CTNNA2: variants seen among roughly 807,000 people sequenced by gnomAD.
CTNNA2 encodes catenin alpha 2.
CTNNA2 carries 42 observed loss-of-function variants against 101.0 expected under a neutral mutation model. The observed-to-expected ratio is 0.42, with a 90% CI of 0.32 to 0.54. CTNNA2 has a LOEUF of 0.54. Ranked by LOEUF, CTNNA2 falls within the 20% of genes least tolerant of loss-of-function variation. The pLI is 0.14. For missense variants in CTNNA2, 871 were observed against 1,223.1 expected (o/e 0.71, Z 4.29); for synonymous variants, 450 against 456.4 (o/e 0.99, Z 0.18).
At chr2:80,472,790 C>T (rs1685413055) in intron 9 of CTNNA2, among the ~76,000 whole-genome samples, 1 of 152,006 alleles carries the variant, frequency 6.6e-6, no homozygotes, top group African/African-American at 2.4e-5. Flanking sequence ...GTGGGCTAAG[C>T]AGGAAGGAGA....
rs541543601 is a variant in CTNNA2 at position 79,266,897 on chromosome 2, C to A, written c.-405-45812C>A. Reference sequence around the variant, plus strand: ...AGCAATAGGGCTTCATTGCAGGCAGCATTGAAAGAGACCCCTATCTTAGTG... The same window carrying A: ...AGCAATAGGGCTTCATTGCAGGCAGAATTGAAAGAGACCCCTATCTTAGTG... On this transcript the variant is annotated intron_variant, in intron 2 of 21. Coordinates refer to the CTNNA2 transcript ENST00000466387. Among the ~76,000 whole-genome samples the A allele has an allele frequency of 3.3e-5, 5 of 152,152 alleles. No individual in the cohort carries two copies. The East Asian group carries it at 9.7e-4, about 30-fold the overall frequency.
intron 9 of CTNNA2, 89 bp downstream of exon 9, chr2:80,419,690 A>G (rs1268035848): frequency 4.4e-6 from 6 of 1,353,274 alleles, no homozygotes; most frequent in Admixed American, 2.3e-5. Context: ...GAGATATTCT[A>G]TTGTATTTTT....
chr2:80,622,874 A>G (rs1558653302), intron 18 of CTNNA2, among the ~76,000 whole-genome samples: 1 of 151,674 alleles, frequency 6.6e-6, no homozygotes, highest in Non-Finnish European at 1.5e-5. Context: ...ACAAGGACTC[A>G]GTTTAGATCA....
At chr2:79,367,759 A>G (rs114311512) in intron 3 of CTNNA2, among the ~76,000 whole-genome samples, 43 of 152,302 alleles carry the variant, frequency 2.8e-4, no homozygotes, top group African/African-American at 9.9e-4. Context: ...ATGGGCTATG[A>G]GGCATTAGTA....
rs75082648 is a variant in CTNNA2 at position 79,654,310 on chromosome 2, T to C, written c.102+2652T>C. On this transcript the variant is annotated intron_variant, in intron 2 of 18. Transcript: ENST00000402739. Reference sequence around the variant, plus strand: ...CTGCTATAACAAGTTTTCACAAATGTATTAGCTTAATATAAAACACATTTA... The same window carrying C: ...CTGCTATAACAAGTTTTCACAAATGCATTAGCTTAATATAAAACACATTTA... Among the ~76,000 whole-genome samples the C allele has an allele frequency of 9.9e-5, 15 of 152,272 alleles. No individual in the cohort carries two copies. In the East Asian group the frequency reaches 2.9e-3, roughly 29 times the overall value.
At chr2:80,465,766 C>T (rs55803020) in intron 9 of CTNNA2, among the ~76,000 whole-genome samples, 59,520 of 152,018 alleles carry the variant, frequency 0.39, 13,407 homozygotes, top group East Asian at 0.66. Flanking sequence ...AATTTTATCA[C>T]TTAATTTTCA....
chr2:79,985,201 C>T (rs1036647288), intron 7 of CTNNA2, among the ~76,000 whole-genome samples: 5 of 152,146 alleles, frequency 3.3e-5, no homozygotes, highest in Non-Finnish European at 5.9e-5. Flanking sequence ...ACTCTGACCC[C>T]CCGTAGATAA....
At chr2:79,909,895 C>G (rs1685669430) in intron 7 of CTNNA2, 98 bp downstream of exon 7, 1 of 1,228,714 alleles carries the variant, frequency 8.1e-7, no homozygotes, top group South Asian at 1.6e-5. Flanking sequence ...GAGAACAGAC[C>G]AGGTGTTTAC....
At chr2:80,171,387 G>A (rs541904584) in intron 7 of CTNNA2, among the ~76,000 whole-genome samples, 159 of 152,334 alleles carry the variant, frequency 1.0e-3, no homozygotes, top group African/African-American at 3.8e-3. Context: ...AATGGAGCTG[G>A]CAGGCCAAGG....
intron 7 of CTNNA2, among the ~76,000 whole-genome samples, chr2:80,073,929 A>G (rs1305470625): frequency 1.3e-5 from 2 of 151,926 alleles, no homozygotes; most frequent in African/African-American, 2.4e-5. Flanking sequence ...CTAATCCTCT[A>G]TTTCTGATAT....
chr2:80,389,587 T>A (rs1677319602), intron 7 of CTNNA2, among the ~76,000 whole-genome samples: 1 of 152,170 alleles, frequency 6.6e-6, no homozygotes. Flanking sequence ...TATGGCCACA[T>A]TTAGACATAC....
chr2:79,984,946 T>C (rs1478096425), intron 7 of CTNNA2, among the ~76,000 whole-genome samples: 2 of 152,212 alleles, frequency 1.3e-5, no homozygotes, highest in African/African-American at 4.8e-5. Flanking sequence ...TAAAGTTTTA[T>C]TGGAACACAG....
chr2:79,635,124 C>T (rs980266023), intron 1 of CTNNA2, among the ~76,000 whole-genome samples: 11 of 151,978 alleles, frequency 7.2e-5, no homozygotes, highest in East Asian at 5.8e-4. Flanking sequence ...ATTAAGGCAG[C>T]GGTGGTGGAG....
intron 3 of CTNNA2, among the ~76,000 whole-genome samples, chr2:79,368,710 C>G (rs1381580456): frequency 3.9e-5 from 6 of 152,122 alleles, no homozygotes; most frequent in African/African-American, 1.2e-4. Flanking sequence ...AAACGCTACA[C>G]CCTTCCCTTT....
chr2:80,065,824 A>T (rs1325085826), intron 7 of CTNNA2, among the ~76,000 whole-genome samples: 1 of 152,224 alleles, frequency 6.6e-6, no homozygotes, highest in Non-Finnish European at 1.5e-5. Context: ...TTGCTAGCAT[A>T]CCATAGCTCT....
chr2:79,825,830 G>A (rs1349600188), intron 3 of CTNNA2, among the ~76,000 whole-genome samples: 3 of 152,256 alleles, frequency 2.0e-5, no homozygotes, highest in South Asian at 2.1e-4. Flanking sequence ...AAGCATTTAG[G>A]AGAAGATACA....
At chr2:80,347,378 C>T (rs1672834860) in intron 7 of CTNNA2, among the ~76,000 whole-genome samples, 2 of 152,230 alleles carry the variant, frequency 1.3e-5, no homozygotes, top group South Asian at 4.2e-4. Flanking sequence ...AGCCCCAAGA[C>T]AAGTGTAGAG....
chr2:79,651,505 T>G, intron 1 of CTNNA2, 47 bp from the exon 2 acceptor site: 1 of 1,552,324 alleles, frequency 6.4e-7, no homozygotes, highest in Non-Finnish European at 8.9e-7. Context: ...AAGTTACAAT[T>G]TATTTCAAAG....
intron 2 of CTNNA2, among the ~76,000 whole-genome samples, chr2:79,698,754 T>C (rs1366921427): frequency 6.6e-6 from 1 of 152,052 alleles, no homozygotes; most frequent in East Asian, 1.9e-4. Flanking sequence ...GGGTGCATGG[T>C]GTTTATGTGA....
Sources: allele counts gnomAD v4.1 joint callset (sites outside exome capture counted in the v4.1 genomes callset), GRCh38; gene constraint gnomAD v4.1.1; transcripts MANE v1.5; gene names NCBI Gene and HGNC (gene_info 2026-07-23, HGNC 2026-07-21).